Variants in EPB41 observed in about 807,000 individuals in gnomAD.
The protein encoded by EPB41 is protein 4.1.
EPB41 carries 65 observed loss-of-function variants against 108.0 expected under a neutral mutation model. The ratio of observed to expected loss-of-function variants is 0.60; its 90% CI spans 0.49 to 0.74. EPB41 has a LOEUF of 0.74. EPB41 is among the 30% of genes least tolerant of loss of function. The pLI is 0.00. For missense variants in EPB41, 875 were observed against 1,037.0 expected (o/e 0.84, Z 2.15); for synonymous variants, 336 against 358.9 (o/e 0.94, Z 0.72).
intron 1 of EPB41, among the ~76,000 whole-genome samples, chr1:28,959,180 C>T (rs1008357124): frequency 4.0e-5 from 6 of 148,614 alleles, no homozygotes; most frequent in Admixed American, 3.4e-4. Flanking sequence ...GATTTTATAC[C>T]GTAGCTACTA....
At chr1:28,989,391 T>A (rs138965089) in intron 2 of EPB41, 2 of 978,828 alleles carry the variant, frequency 2.0e-6, no homozygotes, top group East Asian at 2.3e-4. Flanking sequence ...TTTCAGAGTC[T>A]TCTTATTTCT....
intron 10 of EPB41, among the ~76,000 whole-genome samples, chr1:29,036,492 C>T (rs1486400189): frequency 6.6e-6 from 1 of 152,014 alleles, no homozygotes; most frequent in Non-Finnish European, 1.5e-5. Flanking sequence ...AACTCCTGAC[C>T]TCAGGTGATC....
In EPB41 at chr1:29,050,744, C is replaced by T. The variant is rs185447660; in HGVS notation, c.1637-2360C>T. ...AGGCTAGAGTGCAGTGGTACGATCTCGGCTCACTGCAAGCTCCACCTCCTG... is the reference window on the plus strand; with the variant it reads ...AGGCTAGAGTGCAGTGGTACGATCTTGGCTCACTGCAAGCTCCACCTCCTG... On this transcript the variant is annotated intron_variant, in intron 11 of 20. Coordinates refer to ENST00000343067, the MANE Select transcript of EPB41 (RefSeq NM_001376013.1). Among the ~76,000 whole-genome samples, 7 of 151,982 alleles carry T rather than the reference C, an allele frequency of 4.6e-5. No homozygotes were observed. The East Asian group carries it at 9.7e-4, about 21-fold the overall frequency.
intron 1 of EPB41, among the ~76,000 whole-genome samples, chr1:28,969,084 C>CT (rs35558417): frequency 0.021 from 2,799 of 134,638 alleles, 77 homozygotes; most frequent in Admixed American, 0.064. Context: ...TCATGCCGTA[C>CT]TTTTTTTTTT....
chr1:28,955,728 G>A (rs909320968), intron 1 of EPB41, among the ~76,000 whole-genome samples: 52 of 152,262 alleles, frequency 3.4e-4, no homozygotes, highest in African/African-American at 1.2e-3. Flanking sequence ...GACAGGTTGT[G>A]GAGAAGATTG....
At chr1:29,094,160 A>G (rs567580335) in intron 16 of EPB41, among the ~76,000 whole-genome samples, 1 of 152,186 alleles carries the variant, frequency 6.6e-6, no homozygotes, top group African/African-American at 2.4e-5. Context: ...CGAGGTTCAG[A>G]TAGTTGTAGG....
chr1:29,048,961 T>C (rs545375789), intron 11 of EPB41, among the ~76,000 whole-genome samples: 9 of 152,328 alleles, frequency 5.9e-5, no homozygotes, highest in African/African-American at 2.2e-4. Flanking sequence ...CCTTAAAAGA[T>C]ACTTTTTCCC....
intron 18 of EPB41, chr1:29,109,851 T>C (rs956340919): frequency 3.7e-6 from 1 of 271,796 alleles, no homozygotes; most frequent in African/African-American, 2.2e-5. Context: ...CTGACCAACA[T>C]GGTAAAACCC....
chr1:28,985,126 G>T (rs1412922592), intron 1 of EPB41, among the ~76,000 whole-genome samples: 6 of 151,852 alleles, frequency 4.0e-5, no homozygotes, highest in Non-Finnish European at 8.8e-5. Context: ...ACCATGCCCG[G>T]CTAATTTTTG....
At chr1:29,082,790 A>G (rs926908658) in intron 16 of EPB41, among the ~76,000 whole-genome samples, 1 of 152,120 alleles carries the variant, frequency 6.6e-6, no homozygotes, top group South Asian at 2.1e-4. Flanking sequence ...ATTTTCTATT[A>G]CCTAATAGTT....
intron 1 of EPB41, among the ~76,000 whole-genome samples, chr1:28,986,864 T>C: frequency 6.6e-6 from 1 of 152,252 alleles, no homozygotes; most frequent in Non-Finnish European, 1.5e-5. Context: ...TTCAACTGTA[T>C]ATTTGTCGTT....
At chr1:28,942,900 T>G (rs1051997531) in intron 1 of EPB41, among the ~76,000 whole-genome samples, 3 of 152,192 alleles carry the variant, frequency 2.0e-5, no homozygotes, top group African/African-American at 4.8e-5. Flanking sequence ...TTTTAGGAAG[T>G]ATGTGCCAGG....
chr1:29,043,207 G>A (rs1217173283), intron 11 of EPB41, among the ~76,000 whole-genome samples: 2 of 152,280 alleles, frequency 1.3e-5, no homozygotes, highest in South Asian at 2.1e-4. Flanking sequence ...CTGGGGATGG[G>A]GGAAATTAAG....
chr1:29,091,461 T>C (rs934279306), intron 16 of EPB41, among the ~76,000 whole-genome samples: 1 of 152,186 alleles, frequency 6.6e-6, no homozygotes, highest in African/African-American at 2.4e-5. Context: ...GTGAGATAAG[T>C]GCCCTGGAAA....
At chr1:28,959,049 A>G (rs1162731005) in intron 1 of EPB41, among the ~76,000 whole-genome samples, 1 of 151,724 alleles carries the variant, frequency 6.6e-6, no homozygotes, top group Non-Finnish European at 1.5e-5. Context: ...TAAAGAAGGC[A>G]GATGCAGGGA....
intron 7 of EPB41, among the ~76,000 whole-genome samples, chr1:29,023,341 CT>C (rs993950794): frequency 1.3e-5 from 2 of 151,742 alleles, no homozygotes; most frequent in Non-Finnish European, 2.9e-5. Flanking sequence ...TTAAATTTTC[CT>C]TAGTTAAAAC....
intron 1 of EPB41, among the ~76,000 whole-genome samples, chr1:28,891,524 GCAC>G (rs2090114539): frequency 6.6e-6 from 1 of 152,160 alleles, no homozygotes; most frequent in Non-Finnish European, 1.5e-5. Flanking sequence ...GTGTGAAGTG[GCAC>G]CCCTGAGGAC....
intron 1 of EPB41, among the ~76,000 whole-genome samples, chr1:28,965,271 C>G (rs1250764213): frequency 2.0e-5 from 3 of 152,094 alleles, no homozygotes; most frequent in South Asian, 2.1e-4. Context: ...GGGGAAAAAA[C>G]CTTTTTTTGA....
chr1:29,031,455 C>T (rs1355591424), intron 8 of EPB41, among the ~76,000 whole-genome samples: 2 of 152,134 alleles, frequency 1.3e-5, no homozygotes, highest in Non-Finnish European at 2.9e-5. Context: ...GATTCTAATT[C>T]ATGCCTGAAT....
Sources: gnomAD v4.1 joint callset for allele counts (sites outside exome capture counted in the v4.1 genomes callset) on GRCh38, gnomAD v4.1.1 for gene constraint, MANE v1.5 for transcripts, NCBI Gene and HGNC (gene_info 2026-07-23, HGNC 2026-07-21) for gene names.